Variants in SH3PXD2A observed in about 807,000 individuals in gnomAD.
The protein encoded by SH3PXD2A is SH3 and PX domains 2A, also known as SH3 and PX domain-containing protein 2A.
Under a neutral mutation model 115.2 loss-of-function variants are expected in SH3PXD2A, and 32 were observed. The ratio of observed to expected loss-of-function variants is 0.28; its 90% CI spans 0.21 to 0.37. The LOEUF is 0.37. SH3PXD2A is among the 10% of genes least tolerant of loss of function. The pLI is 1.00. For missense variants in SH3PXD2A, 1,328 were observed against 1,498.7 expected (o/e 0.89, Z 1.88); for synonymous variants, 610 against 629.1 (o/e 0.97, Z 0.45).
At chr10:103,654,497 G>C (rs1037610588) in intron 8 of SH3PXD2A, among the ~76,000 whole-genome samples, 4 of 152,204 alleles carry the variant, frequency 2.6e-5, no homozygotes, top group African/African-American at 9.7e-5. Flanking sequence ...CCAATCAGTG[G>C]TCTTTCTAGT....
chr10:103,779,416 G>C (rs1209919772), intron 2 of SH3PXD2A, among the ~76,000 whole-genome samples: 1 of 152,210 alleles, frequency 6.6e-6, no homozygotes, highest in African/African-American at 2.4e-5. Flanking sequence ...GGCTGCTTGT[G>C]AACTTCCCTC....
chr10:103,661,907 CCCCCCGCCAACTTTTCCT>C (rs1208795166), intron 7 of SH3PXD2A: 1 of 985,044 alleles, frequency 1.0e-6, no homozygotes, highest in African/African-American at 1.7e-5. Flanking sequence ...GCCCAGCCCG[CCCCCCGCCAACTTTTCCT>C]CAAGTTCGCT....
intron 1 of SH3PXD2A, among the ~76,000 whole-genome samples, chr10:103,819,248 G>A (rs2039353838): frequency 6.6e-6 from 1 of 152,224 alleles, no homozygotes; most frequent in Admixed American, 6.5e-5. Flanking sequence ...TGTAAGGCTA[G>A]GTCAAGAGCT....
chr10:103,689,907 C>A (rs1488604764), intron 6 of SH3PXD2A, among the ~76,000 whole-genome samples: 2 of 152,192 alleles, frequency 1.3e-5, no homozygotes, highest in Non-Finnish European at 2.9e-5. Flanking sequence ...AGCCTTGCCT[C>A]AAGTCTAAGC....
At chr10:103,688,176 G>A (rs2037703480) in intron 6 of SH3PXD2A, among the ~76,000 whole-genome samples, 1 of 152,126 alleles carries the variant, frequency 6.6e-6, no homozygotes, top group Admixed American at 6.5e-5. Flanking sequence ...TGCTCTCTCT[G>A]GATTACCAAA....
In SH3PXD2A at chr10:103,855,408, GC is replaced by G; in HGVS notation, c.-143del. On this transcript the variant is annotated 5_prime_UTR_variant, in exon 1 of 15. Transcript: ENST00000369774. The stretch of plus-strand genomic sequence containing the variant: ...GCCGAACGCTGCCCGGACTCCCGGC[GC>G]CCACAGGTCCGGCCCAGGGACGGGG... 1.9e-6 allele frequency: 1 copy of G among 515,184 alleles called. No homozygotes were observed. Among genetic ancestry groups the G allele is most frequent in the Non-Finnish European group, 3.2e-6 (1 of 316,632 alleles). 31.9% of individuals were successfully genotyped at this position (515,184 alleles called of 1,614,324 possible).
At chr10:103,719,705 CTTTTTTTT>C (rs771190727) in intron 5 of SH3PXD2A, among the ~76,000 whole-genome samples, 1 of 136,452 alleles carries the variant, frequency 7.3e-6, no homozygotes, top group Non-Finnish European at 1.6e-5. Context: ...ATTTCTTTTT[CTTTTTTTT>C]TTTCTTTCTT....
At chr10:103,608,477 G>GA (rs376643861) in intron 13 of SH3PXD2A, 4 of 141,680 alleles carry the variant, frequency 2.8e-5, no homozygotes, top group Middle Eastern at 3.7e-3. Context: ...ATTTAAATTA[G>GA]AATTTCATCG....
intron 5 of SH3PXD2A, among the ~76,000 whole-genome samples, chr10:103,709,073 G>T: frequency 6.6e-6 from 1 of 151,880 alleles, no homozygotes. Flanking sequence ...ATCAGACCTG[G>T]CCACAGCCAA....
Position 103,746,560 on chromosome 10 carries a change from G to A in SH3PXD2A, c.230-10752C>T, listed in dbSNP as rs142679106. ...TGGTTTTAAACTCCTGGGCTCAAGC[G>A]ATCCTCCCAGAGTACTGGGATTACA... On this transcript the variant is annotated intron_variant, in intron 3 of 14. Transcript: ENST00000369774. This position sits in a 1 kb window ranked among gnomAD's most constrained non-coding sequence, Gnocchi z 4.4. Among the ~76,000 whole-genome samples, 27 of 152,136 alleles carry A rather than the reference G, an allele frequency of 1.8e-4. No homozygotes were observed. Among genetic ancestry groups the A allele is most frequent in the Admixed American group, 1.5e-3 (23 of 15,282 alleles).
chr10:103,835,621 G>A (rs530982213), intron 1 of SH3PXD2A, among the ~76,000 whole-genome samples: 1 of 152,208 alleles, frequency 6.6e-6, no homozygotes, highest in Admixed American at 6.5e-5. Flanking sequence ...CTCTTCTCCT[G>A]GAGGCCCAGG....
At chr10:103,833,682 T>C (rs2039503500) in intron 1 of SH3PXD2A, among the ~76,000 whole-genome samples, 1 of 152,222 alleles carries the variant, frequency 6.6e-6, no homozygotes, top group South Asian at 2.1e-4. Context: ...TTTTGTTGCT[T>C]GCAACTGAAC....
Position 103,693,657 on chromosome 10 carries a change from AC to A in SH3PXD2A, c.399-602del, listed in dbSNP as rs567859909. On this transcript the variant is annotated intron_variant, in intron 5 of 14. Transcript: ENST00000369774. ...TGATTAAAGTCTGCCCCTGTCCTAGACCCGAGACTCGCTGGGGGCCACTGTG... is the reference window on the plus strand; with the variant it reads ...TGATTAAAGTCTGCCCCTGTCCTAGACCGAGACTCGCTGGGGGCCACTGTG... 1,201 of 152,338 alleles carry A rather than the reference AC, an allele frequency of 7.9e-3. 9 individuals carry two copies. Among genetic ancestry groups the A allele is most frequent in the Non-Finnish European group, 0.013 (879 of 68,124 alleles). The allele number at this position is 152,338 out of a possible 1,614,324, so 9.4% of individuals were successfully genotyped here.
chr10:103,646,438 C>A (rs934754539), intron 8 of SH3PXD2A, among the ~76,000 whole-genome samples: 2 of 152,170 alleles, frequency 1.3e-5, no homozygotes, highest in Non-Finnish European at 2.9e-5. Flanking sequence ...TCTAGAGACT[C>A]GCCACAGTTA....
intron 1 of SH3PXD2A, among the ~76,000 whole-genome samples, chr10:103,820,911 T>G (rs1392091293): frequency 6.6e-6 from 1 of 152,200 alleles, no homozygotes; most frequent in Non-Finnish European, 1.5e-5. Context: ...AAGCCCAATG[T>G]GTACAGCCAA....
chr10:103,795,903 AAAGGAAGGAAGGAAGG>A (rs747408854), intron 2 of SH3PXD2A, among the ~76,000 whole-genome samples: 1 of 120,014 alleles, frequency 8.3e-6, no homozygotes. Flanking sequence ...GGAGGGAGGA[AAAGGAAGGAAGGAAGG>A]AAGGAAGGAA....
chr10:103,746,075 C>A lies in SH3PXD2A; in HGVS notation c.230-10267G>T, dbSNP rs2038499178. ...AGCGCACCTTGGAGGGAAGAACGAT[C>A]TCCCAAATTCTGGTTCGGAGGTTCC... is the stretch of plus-strand genomic sequence containing the variant. On this transcript the variant is annotated intron_variant, in intron 3 of 14. Coordinates refer to ENST00000369774, the MANE Select transcript of SH3PXD2A (RefSeq NM_001394015.1). The surrounding 1 kb of genome is among the most constrained non-coding windows in gnomAD (Gnocchi z 4.4). The A allele has an allele frequency of 6.6e-6, 1 of 152,248 alleles. No individual in the cohort carries two copies. Among genetic ancestry groups the A allele is most frequent in the African/African-American group, 2.4e-5 (1 of 41,464 alleles). The allele number at this position is 152,248 out of a possible 1,614,324, so 9.4% of individuals were successfully genotyped here.
At chr10:103,794,126 C>G (rs990092470) in intron 2 of SH3PXD2A, among the ~76,000 whole-genome samples, 1 of 152,158 alleles carries the variant, frequency 6.6e-6, no homozygotes, top group South Asian at 2.1e-4. Context: ...ATAATTTTTC[C>G]ACCCATCATG....
intron 1 of SH3PXD2A, among the ~76,000 whole-genome samples, chr10:103,806,742 C>T (rs1564893924): frequency 6.6e-6 from 1 of 152,228 alleles, no homozygotes; most frequent in Non-Finnish European, 1.5e-5. Context: ...TCTATTTCCC[C>T]TGTCTCCAGC....
Sources: gnomAD v4.1 joint callset for allele counts (sites outside exome capture counted in the v4.1 genomes callset) on GRCh38, gnomAD v4.1.1 for gene constraint, Gnocchi (gnomAD v3.1) non-coding constraint, MANE v1.5 for transcripts, NCBI Gene and HGNC (gene_info 2026-07-23, HGNC 2026-07-21) for gene names.